Variants in B3GALT1 observed in about 807,000 individuals in gnomAD.
The protein encoded by B3GALT1 is beta-1,3-galactosyltransferase 1, also known as UDP-Gal:betaGlcNAc beta 1,3-galactosyltransferase, polypeptide 1.
B3GALT1 carries 10 observed loss-of-function variants against 23.2 expected under a neutral mutation model. The observed-to-expected ratio is 0.43, with a 90% CI of 0.27 to 0.73. The LOEUF (loss-of-function observed/expected upper bound fraction) is 0.73. Ranked by LOEUF, B3GALT1 falls within the 30% of genes least tolerant of loss-of-function variation. The pLI is 0.21. For missense variants in B3GALT1, 299 were observed against 405.4 expected, an observed-to-expected ratio of 0.74 and a Z score of 2.25; for synonymous variants, 156 against 141.5, an observed-to-expected ratio of 1.10 and a Z score of -0.73.
rs183238990 is a variant in B3GALT1, at chr2:167,571,223, A to G, written c.-409-75686A>G. Among the ~76,000 whole-genome samples, 9 of 152,028 alleles carry G rather than the reference A, an allele frequency of 5.9e-5. No individual in the cohort carries two copies. In the East Asian group the frequency reaches 1.7e-3, roughly 29 times the overall value. ...ATAATCATTTTGGGAATCTGCCCTT[A>G]ATGAAAGTCTCTGCATTCACATTAA... On this transcript the variant is annotated intron_variant, in intron 2 of 4. Coordinates refer to ENST00000392690, the MANE Select transcript of B3GALT1 (RefSeq NM_020981.4).
chr2:167,416,175 C>G (rs575116662), intron 1 of B3GALT1, among the ~76,000 whole-genome samples: 62 of 152,290 alleles, frequency 4.1e-4, no homozygotes, highest in African/African-American at 1.4e-3. Flanking sequence ...CTTTGAGGCT[C>G]TCTCTTCCAT....
At chr2:167,660,824 A>C (rs1175135410) in intron 3 of B3GALT1, among the ~76,000 whole-genome samples, 1 of 152,168 alleles carries the variant, frequency 6.6e-6, no homozygotes, top group African/African-American at 2.4e-5. Flanking sequence ...ATTGCATTGC[A>C]TTGCAAGATA....
chr2:167,829,506 GAAGA>G lies in B3GALT1; in HGVS notation c.-230+10720_-230+10723del, dbSNP rs759731054. On this transcript the variant is annotated intron_variant, in intron 4 of 4. Coordinates refer to ENST00000392690, the MANE Select transcript of B3GALT1 (RefSeq NM_020981.4). ...TCAAGGAAAAAAAAAAAGAAAAGAA[GAAGA>G]AAGAAAAAAAAATAGATATCTAAAG... Among the ~76,000 whole-genome samples, 7 of 150,740 alleles carry G rather than the reference GAAGA, an allele frequency of 4.6e-5. No homozygotes were observed. The East Asian group carries it at 1.4e-3, about 29-fold the overall frequency.
At chr2:167,658,808 A>G (rs565004538) in intron 3 of B3GALT1, among the ~76,000 whole-genome samples, 1 of 152,222 alleles carries the variant, frequency 6.6e-6, no homozygotes, top group African/African-American at 2.4e-5. Context: ...TATAGGAGTG[A>G]CATATAGGAT....
chr2:167,360,523 A>C (rs910729876), intron 1 of B3GALT1, among the ~76,000 whole-genome samples: 2 of 152,160 alleles, frequency 1.3e-5, no homozygotes, highest in Non-Finnish European at 2.9e-5. Context: ...TCAGAAATGC[A>C]ATTTCCTGGG....
rs76201279 is a variant in B3GALT1, at chr2:167,411,950, G to A, written c.-510-78227G>A. On this transcript the variant is annotated intron_variant, in intron 1 of 4. Coordinates refer to ENST00000392690, the MANE Select transcript of B3GALT1 (RefSeq NM_020981.4). ...CATTATATTAAACGAAATAAATTAGGTACAGAAAGACAAATATTGCATGTT... is the reference window on the plus strand; with the variant it reads ...CATTATATTAAACGAAATAAATTAGATACAGAAAGACAAATATTGCATGTT... 5.1e-3 allele frequency among the ~76,000 whole-genome samples: 774 copies of A among 152,196 alleles called. 8 individuals carry two copies. Among genetic ancestry groups the A allele is most frequent in the African/African-American group, 0.018 (739 of 41,536 alleles).
chr2:167,828,975 A>G (rs928923222), intron 4 of B3GALT1, among the ~76,000 whole-genome samples: 2 of 152,174 alleles, frequency 1.3e-5, no homozygotes, highest in Non-Finnish European at 2.9e-5. Context: ...GACTGCCACA[A>G]TCTGTGTACT....
At chr2:167,762,468 GCCA>G (rs1025389983) in intron 3 of B3GALT1, among the ~76,000 whole-genome samples, 2 of 151,824 alleles carry the variant, frequency 1.3e-5, no homozygotes, top group African/African-American at 4.8e-5. Flanking sequence ...TCTGGAGCAG[GCCA>G]CTACTACCTC....
intron 1 of B3GALT1, among the ~76,000 whole-genome samples, chr2:167,352,532 C>T (rs1410739796): frequency 6.9e-6 from 1 of 145,298 alleles, no homozygotes; most frequent in Non-Finnish European, 1.5e-5. Context: ...ACCTGGCTAA[C>T]ACGGTGAAAC....
At chr2:167,717,196 CTT>C (rs140727229) in intron 3 of B3GALT1, among the ~76,000 whole-genome samples, 28,736 of 149,086 alleles carry the variant, frequency 0.19, 3,611 homozygotes, top group Non-Finnish European at 0.28. Flanking sequence ...TCTATTTTTT[CTT>C]TCTTTCTTTC....
chr2:167,403,356 C>G (rs1478869132), intron 1 of B3GALT1, among the ~76,000 whole-genome samples: 1 of 151,980 alleles, frequency 6.6e-6, no homozygotes, highest in Non-Finnish European at 1.5e-5. Context: ...ATGAACTTAT[C>G]CCTTTTTATG....
chr2:167,522,333 C>T (rs2105362249), intron 2 of B3GALT1, among the ~76,000 whole-genome samples: 1 of 152,136 alleles, frequency 6.6e-6, no homozygotes, highest in East Asian at 1.9e-4. Context: ...CTGGGTTTGC[C>T]TCTTCTTCTC....
At position 167,549,452 on chromosome 2, in the gene B3GALT1, G is replaced by A. The variant is rs552701912; in HGVS notation, c.-410+59175G>A. On this transcript the variant is annotated intron_variant, in intron 2 of 4. Transcript: ENST00000392690. ...TCACTCTGTATGGCATACTTCAGAC[G>A]AGTTCCTGACAACAAGAAGCTTCCC... is the stretch of plus-strand genomic sequence containing the variant. Among the ~76,000 whole-genome samples, 5 of 152,244 alleles carry A rather than the reference G, an allele frequency of 3.3e-5. No homozygotes were observed. In the East Asian group the frequency reaches 7.7e-4, roughly 23 times the overall value.
chr2:167,813,393 T>TAG (rs993393338), intron 3 of B3GALT1, among the ~76,000 whole-genome samples: 51 of 152,328 alleles, frequency 3.3e-4, no homozygotes, highest in African/African-American at 1.2e-3. Context: ...GCCGATAGAA[T>TAG]AGATATAGTC....
intron 1 of B3GALT1, among the ~76,000 whole-genome samples, chr2:167,308,759 A>C (rs2105484643): frequency 6.6e-6 from 1 of 152,128 alleles, no homozygotes; most frequent in South Asian, 2.1e-4. Flanking sequence ...CTTCTCTTTA[A>C]ATCAGATCGG....
intron 3 of B3GALT1, among the ~76,000 whole-genome samples, chr2:167,774,482 T>G (rs1321510868): frequency 9.8e-5 from 12 of 122,296 alleles, no homozygotes; most frequent in East Asian, 5.4e-4. Context: ...GTTTTTTTTT[T>G]TTGTTTTTTT....
At chr2:167,750,621 G>A (rs1162328592) in intron 3 of B3GALT1, among the ~76,000 whole-genome samples, 1 of 151,246 alleles carries the variant, frequency 6.6e-6, no homozygotes. Flanking sequence ...GTCCCCTCAG[G>A]TGTCATATGA....
At chr2:167,634,016 A>C (rs528824850) in intron 2 of B3GALT1, among the ~76,000 whole-genome samples, 15 of 152,314 alleles carry the variant, frequency 9.8e-5, no homozygotes, top group Admixed American at 7.2e-4. Context: ...CAGTGCAATC[A>C]AATTAGAACT....
At chr2:167,605,483 G>A (rs1028889826) in intron 2 of B3GALT1, among the ~76,000 whole-genome samples, 3 of 51,044 alleles carry the variant, frequency 5.9e-5, no homozygotes, top group Non-Finnish European at 8.9e-5. Flanking sequence ...GGCTCAGATG[G>A]CATGTCAACC....
Sources: gnomAD v4.1 joint callset for allele counts (sites outside exome capture counted in the v4.1 genomes callset) on GRCh38, gnomAD v4.1.1 for gene constraint, MANE v1.5 for transcripts, NCBI Gene and HGNC (gene_info 2026-07-23, HGNC 2026-07-21) for gene names.